Variants in SH3KBP1 observed in about 807,000 individuals in gnomAD.
The protein encoded by SH3KBP1 is SH3 domain containing kinase binding protein 1.
In SH3KBP1, 8 loss-of-function variants were observed where a neutral mutation model predicts 50.1. The ratio of observed to expected loss-of-function variants is 0.16; its 90% CI spans 0.09 to 0.29. The LOEUF (loss-of-function observed/expected upper bound fraction) is 0.29, where lower values mean the gene tolerates loss of function less well. Ranked by LOEUF, SH3KBP1 falls within the 10% of genes least tolerant of loss-of-function variation. The probability of loss-of-function intolerance (pLI) is 1.00; values close to 1 mark genes in which losing one functional copy is unlikely to be tolerated. For missense variants in SH3KBP1, 377 were observed against 535.2 expected (o/e 0.70, Z 2.92); for synonymous variants, 227 against 218.6 (o/e 1.04, Z -0.34).
intron 3 of SH3KBP1, among the ~76,000 whole-genome samples, chrX:19,721,198 G>C (rs1265407809): frequency 9.0e-6 from 1 of 111,024 alleles, no homozygotes; most frequent in Non-Finnish European, 1.9e-5. Flanking sequence ...AATCTGAAAG[G>C]CTAAACCCCT....
chrX:19,826,897 G>C (rs1344283704), intron 2 of SH3KBP1, among the ~76,000 whole-genome samples: 2 of 111,788 alleles, frequency 1.8e-5, no homozygotes, highest in Non-Finnish European at 3.8e-5. Flanking sequence ...CAGGGTCTTT[G>C]AATGTAGAAC....
chrX:19,794,499 C>G (rs1039395960), intron 2 of SH3KBP1, among the ~76,000 whole-genome samples: 5 of 110,361 alleles, frequency 4.5e-5, no homozygotes, highest in Non-Finnish European at 9.5e-5. Flanking sequence ...GTCAGGAGAT[C>G]GAGACCATCC....
intron 5 of SH3KBP1, among the ~76,000 whole-genome samples, chrX:19,690,920 C>T (rs1054223101): frequency 8.9e-6 from 1 of 111,985 alleles, no homozygotes; most frequent in African/African-American, 3.2e-5. Context: ...CTCCCCATCA[C>T]TCAGAAGCCT....
At chrX:19,784,198 T>C (rs2066267845) in intron 2 of SH3KBP1, among the ~76,000 whole-genome samples, 1 of 111,953 alleles carries the variant, frequency 8.9e-6, no homozygotes, top group Non-Finnish European at 1.9e-5. Context: ...TTCCAGAATT[T>C]TCATTTTCCT....
chrX:19,657,623 G>A (rs1288627377), intron 6 of SH3KBP1, among the ~76,000 whole-genome samples: 1 of 108,295 alleles, frequency 9.2e-6, no homozygotes, highest in Non-Finnish European at 1.9e-5. Context: ...ATCTACGCGG[G>A]AGGCTGAGGC....
chrX:19,852,860 A>AG (rs2068546497), intron 1 of SH3KBP1, among the ~76,000 whole-genome samples: 1 of 111,518 alleles, frequency 9.0e-6, no homozygotes, highest in Non-Finnish European at 1.9e-5. Context: ...TCAGGAATGC[A>AG]TGATCGGAGA....
chrX:19,737,605 T>C (rs146158323), intron 3 of SH3KBP1, among the ~76,000 whole-genome samples: 1,856 of 111,373 alleles, frequency 0.017, 37 homozygotes, highest in African/African-American at 0.057. Flanking sequence ...GCAATGAGAC[T>C]ATGTTGACTA....
At chrX:19,657,250 G>A (rs768048954) in intron 6 of SH3KBP1, among the ~76,000 whole-genome samples, 1 of 109,837 alleles carries the variant, frequency 9.1e-6, no homozygotes, top group Non-Finnish European at 1.9e-5. Context: ...ATGTGGTGGT[G>A]CACACCTGTA....
At chrX:19,701,248 C>T (rs1243223677) in intron 4 of SH3KBP1, among the ~76,000 whole-genome samples, 2 of 111,752 alleles carry the variant, frequency 1.8e-5, no homozygotes, top group Non-Finnish European at 3.8e-5. Context: ...GCAAGATAAC[C>T]TTTCTGATGA....
chrX:19,791,832 G>A (rs769641634), intron 2 of SH3KBP1, among the ~76,000 whole-genome samples: 3 of 111,551 alleles, frequency 2.7e-5, no homozygotes, highest in Non-Finnish European at 5.6e-5. Context: ...ATTAGTCATC[G>A]TTCAATCAGA....
chrX:19,625,128 G>A (rs2067974029), intron 8 of SH3KBP1, among the ~76,000 whole-genome samples: 1 of 112,236 alleles, frequency 8.9e-6, no homozygotes, highest in African/African-American at 3.2e-5. Context: ...GATTCCTGAG[G>A]CTGCTTCTCT....
rs770274299 is a variant in SH3KBP1 at position 19,746,383 on chromosome X, A to G, written c.221T>C (p.Leu74Pro). 8.3e-7 allele frequency: 1 copy of G among 1,206,855 alleles called. No individual in the cohort carries two copies. The highest frequency in any genetic ancestry group is 3.0e-5 in the East Asian group (1 of 33,819). ...PLTNKAPEKP[L>P]HEVPSGNSLL... ...AGAGTTTCCACTGGGCACTTCGTGC[A>G]GGGGCTTTTCTGGAGCTTTGTTGGT... Residue 74 changes from leucine to proline, a missense_variant, in exon 3 of 18, where the codon CTG becomes CCG. Around this residue, in one of 3 missense-constraint regions of SH3KBP1, gnomAD observed 257 missense variants for 374.2 expected, o/e 0.69. Transcript: ENST00000397821.
intron 2 of SH3KBP1, among the ~76,000 whole-genome samples, chrX:19,818,455 T>C (rs998375986): frequency 8.9e-6 from 1 of 112,154 alleles, no homozygotes; most frequent in African/African-American, 3.2e-5. Context: ...CAGTATTACG[T>C]TGAATGAGAC....
At chrX:19,632,025 G>A in intron 7 of SH3KBP1, 67 bp from the exon 8 acceptor site, 2 of 663,084 alleles carry the variant, frequency 3.0e-6, no homozygotes, top group Non-Finnish European at 4.6e-6. Flanking sequence ...AGGAGAAAAT[G>A]ATCTCTATCA....
intron 1 of SH3KBP1, among the ~76,000 whole-genome samples, chrX:19,851,335 T>G (rs2068503767): frequency 8.9e-6 from 1 of 111,783 alleles, no homozygotes; most frequent in Non-Finnish European, 1.9e-5. Context: ...ACACTTAAAA[T>G]GCAACACACG....
intron 1 of SH3KBP1, among the ~76,000 whole-genome samples, chrX:19,852,983 C>T (rs958100549): frequency 3.6e-4 from 40 of 112,358 alleles, no homozygotes; most frequent in Middle Eastern, 4.6e-3. Context: ...AGTACACAAG[C>T]GAGTTGACGC....
At chrX:19,668,853 CAAAAAAAAA>C (rs751777350) in intron 6 of SH3KBP1, among the ~76,000 whole-genome samples, 1 of 17,859 alleles carries the variant, frequency 5.6e-5, no homozygotes, top group Non-Finnish European at 1.0e-4. Context: ...GACTGTGTCT[CAAAAAAAAA>C]AAAAAAAAAA....
chrX:19,746,243 G>A (rs1372131804), intron 3 of SH3KBP1, 75 bp downstream of exon 3: 1 of 1,125,290 alleles, frequency 8.9e-7, no homozygotes, highest in Admixed American at 2.5e-5. Flanking sequence ...GCAATATAAA[G>A]TTTGACACAG....
chrX:19,877,235 T>C (rs1163023231), intron 1 of SH3KBP1, among the ~76,000 whole-genome samples: 4 of 112,215 alleles, frequency 3.6e-5, no homozygotes, highest in East Asian at 2.8e-4. Flanking sequence ...ATGTTTTTGC[T>C]GGTTTTGTTT....
Sources: gnomAD v4.1 joint callset for allele counts (sites outside exome capture counted in the v4.1 genomes callset) on GRCh38, gnomAD v4.1.1 for gene constraint, gnomAD v4.1.1 regional missense constraint, MANE v1.5 for transcripts, NCBI Gene and HGNC (gene_info 2026-07-23, HGNC 2026-07-21) for gene names.